Variants in CNTNAP2 observed in about 807,000 individuals in gnomAD.
The protein encoded by CNTNAP2 is contactin-associated protein-like 2.
Under a neutral mutation model 155.2 loss-of-function variants are expected in CNTNAP2, and 98 were observed. The ratio of observed to expected loss-of-function variants is 0.63; its 90% CI spans 0.54 to 0.75. The LOEUF is 0.75. CNTNAP2 is among the 30% of genes least tolerant of loss of function. The probability of loss-of-function intolerance (pLI) is 0.00; values close to 1 mark genes in which losing one functional copy is unlikely to be tolerated. For missense variants in CNTNAP2, 1,727 were observed against 1,688.1 expected, an observed-to-expected ratio of 1.02 and a Z score of -0.40; for synonymous variants, 651 against 631.2, an observed-to-expected ratio of 1.03 and a Z score of -0.47.
chr7:148,112,690 A>G (rs929462722), intron 15 of CNTNAP2, among the ~76,000 whole-genome samples: 1 of 152,110 alleles, frequency 6.6e-6, no homozygotes, highest in South Asian at 2.1e-4. Flanking sequence ...GCACCATGCC[A>G]AGCTTGAATT....
chr7:147,077,858 C>T lies in CNTNAP2; in HGVS notation c.551-30289C>T, dbSNP rs75129742. 2.6e-4 allele frequency among the ~76,000 whole-genome samples: 39 copies of T among 152,128 alleles called. No individual in the cohort carries two copies. The East Asian group carries it at 5.6e-3, about 22-fold the overall frequency. ...TAGCAAGTACTATATAAATGTAATA[C>T]GTATGCAATTAAAATAGGCTTCAAG... On this transcript the variant is annotated intron_variant, in intron 4 of 23. Transcript: ENST00000361727.
chr7:146,975,663 G>A (rs1418124188), intron 3 of CNTNAP2, among the ~76,000 whole-genome samples: 1 of 152,112 alleles, frequency 6.6e-6, no homozygotes, highest in Non-Finnish European at 1.5e-5. Flanking sequence ...AATAACAGCG[G>A]TGATAAATTT....
intron 1 of CNTNAP2, among the ~76,000 whole-genome samples, chr7:146,422,862 A>C (rs1052273531): frequency 6.6e-6 from 1 of 152,130 alleles, no homozygotes; most frequent in Non-Finnish European, 1.5e-5. Flanking sequence ...TTTAGCAAAA[A>C]ATTAATTAAA....
chr7:146,170,035 T>TTTTTGTTTTTTTA (rs1798366901), intron 1 of CNTNAP2, among the ~76,000 whole-genome samples: 1 of 149,142 alleles, frequency 6.7e-6, no homozygotes, highest in Admixed American at 6.7e-5. Context: ...TTTTTTTTTT[T>TTTTTGTTTTTTTA]GGAGTGGGGT....
chr7:147,746,744 C>T (rs971299110), intron 13 of CNTNAP2, among the ~76,000 whole-genome samples: 1 of 152,044 alleles, frequency 6.6e-6, no homozygotes, highest in African/African-American at 2.4e-5. Flanking sequence ...AAAATACACG[C>T]ATTTTGGTAA....
At chr7:148,411,441 T>C (rs1236667250) in intron 23 of CNTNAP2, among the ~76,000 whole-genome samples, 2 of 152,072 alleles carry the variant, frequency 1.3e-5, no homozygotes, top group Non-Finnish European at 2.9e-5. Flanking sequence ...AATTTTTGTA[T>C]TTTTAGTAGA....
intron 1 of CNTNAP2, among the ~76,000 whole-genome samples, chr7:146,532,540 C>T (rs914470096): frequency 2.0e-5 from 3 of 152,106 alleles, no homozygotes; most frequent in Non-Finnish European, 4.4e-5. Context: ...GACATCTAGC[C>T]TCACAACCTT....
At chr7:146,609,963 A>T (rs1331177149) in intron 1 of CNTNAP2, among the ~76,000 whole-genome samples, 1 of 152,172 alleles carries the variant, frequency 6.6e-6, no homozygotes, top group Non-Finnish European at 1.5e-5. Context: ...GACACAGCGA[A>T]TCAGAAACTC....
chr7:147,050,182 G>A (rs112664397), intron 4 of CNTNAP2, among the ~76,000 whole-genome samples: 54 of 152,216 alleles, frequency 3.5e-4, no homozygotes, highest in Admixed American at 8.5e-4. Flanking sequence ...CTCCCACAGC[G>A]CAGACACTAA....
chr7:146,421,535 A>C (rs1796011972), intron 1 of CNTNAP2, among the ~76,000 whole-genome samples: 1 of 152,014 alleles, frequency 6.6e-6, no homozygotes, highest in African/African-American at 2.4e-5. Flanking sequence ...TTCAGAAAAT[A>C]ATCTTTTAAA....
intron 1 of CNTNAP2, among the ~76,000 whole-genome samples, chr7:146,425,206 C>T (rs1796070785): frequency 6.6e-6 from 1 of 152,084 alleles, no homozygotes. Context: ...ATTAGAATAT[C>T]CTCACCCTTT....
At chr7:148,017,222 A>G (rs1356864572) in intron 15 of CNTNAP2, among the ~76,000 whole-genome samples, 1 of 152,148 alleles carries the variant, frequency 6.6e-6, no homozygotes, top group African/African-American at 2.4e-5. Context: ...GAACACCTAA[A>G]TCCTTTCCAA....
chr7:146,756,157 T>C (rs1486054915), intron 1 of CNTNAP2, among the ~76,000 whole-genome samples: 1 of 152,012 alleles, frequency 6.6e-6, no homozygotes, highest in Admixed American at 6.6e-5. Flanking sequence ...TAAGTAATTT[T>C]GACTACCTAC....
At chr7:146,886,226 C>T (rs1411878557) in intron 3 of CNTNAP2, among the ~76,000 whole-genome samples, 1 of 148,234 alleles carries the variant, frequency 6.7e-6, no homozygotes, top group Non-Finnish European at 1.5e-5. Context: ...CAGGATTTTT[C>T]TGACTCTAAG....
At chr7:147,514,565 G>A (rs1584783656) in intron 11 of CNTNAP2, among the ~76,000 whole-genome samples, 1 of 150,724 alleles carries the variant, frequency 6.6e-6, no homozygotes, top group Non-Finnish European at 1.5e-5. Context: ...TTAATGGACT[G>A]TTTAGAAAAG....
intron 3 of CNTNAP2, among the ~76,000 whole-genome samples, chr7:146,899,133 C>T (rs1795940856): frequency 6.6e-6 from 1 of 152,142 alleles, no homozygotes; most frequent in African/African-American, 2.4e-5. Flanking sequence ...TACCCTCTTC[C>T]AGAGAATGTT....
chr7:147,558,709 C>CTTCT (rs1799998770), intron 11 of CNTNAP2, among the ~76,000 whole-genome samples: 1 of 42,114 alleles, frequency 2.4e-5, no homozygotes. Context: ...TCCTTCCTTC[C>CTTCT]TTCCTTCCTT....
intron 2 of CNTNAP2, among the ~76,000 whole-genome samples, chr7:146,814,712 G>A (rs559954288): frequency 5.9e-5 from 9 of 151,928 alleles, no homozygotes; most frequent in Admixed American, 2.6e-4. Flanking sequence ...TGGATGCTAC[G>A]GGGCATGAGC....
intron 13 of CNTNAP2, among the ~76,000 whole-genome samples, chr7:147,876,958 G>A (rs1799430746): frequency 6.6e-6 from 1 of 152,068 alleles, no homozygotes; most frequent in South Asian, 2.1e-4. Flanking sequence ...TTCAGGGAGT[G>A]AAGATTTGTT....
Sources: allele counts gnomAD v4.1 joint callset (sites outside exome capture counted in the v4.1 genomes callset), GRCh38; gene constraint gnomAD v4.1.1; transcripts MANE v1.5; gene names NCBI Gene and HGNC (gene_info 2026-07-23, HGNC 2026-07-21).